KIF26B: variants seen among roughly 807,000 people sequenced by gnomAD.
KIF26B encodes the protein kinesin family member 26B, also known as kinesin-like protein KIF26B.
KIF26B carries 63 observed loss-of-function variants against 151.2 expected under a neutral mutation model. That is an observed-to-expected ratio of 0.42 (90% CI 0.34 to 0.51). The LOEUF (loss-of-function observed/expected upper bound fraction) is 0.51, where lower values mean the gene tolerates loss of function less well. Among genes scored for constraint, KIF26B ranks in the 20% least tolerant of loss-of-function variants. The probability of loss-of-function intolerance (pLI) is 0.07; values close to 1 mark genes in which losing one functional copy is unlikely to be tolerated. For missense variants in KIF26B, 2,813 were observed against 2,913.6 expected (o/e 0.97, Z 0.79); for synonymous variants, 1,357 against 1,262.1 (o/e 1.08, Z -1.59).
intron 2 of KIF26B, among the ~76,000 whole-genome samples, chr1:245,339,557 T>C (rs912420020): frequency 1.3e-5 from 2 of 152,194 alleles, no homozygotes; most frequent in African/African-American, 4.8e-5. Flanking sequence ...TATCATAAAA[T>C]AGGTACTAAA....
chr1:245,250,962 AG>A (rs34889338), intron 2 of KIF26B, among the ~76,000 whole-genome samples: 1 of 152,220 alleles, frequency 6.6e-6, no homozygotes, highest in African/African-American at 2.4e-5. Context: ...AAAATTAGCC[AG>A]GGGAAAAGGC....
At chr1:245,292,534 T>C (rs1337744821) in intron 2 of KIF26B, among the ~76,000 whole-genome samples, 1 of 152,160 alleles carries the variant, frequency 6.6e-6, no homozygotes, top group Non-Finnish European at 1.5e-5. Flanking sequence ...TACTTCCCCC[T>C]TGCCCATATT....
At chr1:245,437,365 C>T (rs556622687) in intron 4 of KIF26B, among the ~76,000 whole-genome samples, 1 of 152,284 alleles carries the variant, frequency 6.6e-6, no homozygotes, top group East Asian at 1.9e-4. Flanking sequence ...ATCAGAGAAT[C>T]CCATATCATT....
intron 4 of KIF26B, among the ~76,000 whole-genome samples, chr1:245,431,131 G>C (rs1411640550): frequency 6.6e-6 from 1 of 152,206 alleles, no homozygotes; most frequent in Admixed American, 6.5e-5. Context: ...CCAAAGTAGA[G>C]AATGGGTACA....
chr1:245,229,109 G>A (rs999427532), intron 2 of KIF26B, among the ~76,000 whole-genome samples: 3 of 152,114 alleles, frequency 2.0e-5, no homozygotes, highest in African/African-American at 7.2e-5. Flanking sequence ...TCAGACTACA[G>A]GCACGTGCCA....
intron 2 of KIF26B, among the ~76,000 whole-genome samples, chr1:245,327,860 A>C (rs1443719337): frequency 6.6e-6 from 1 of 152,184 alleles, no homozygotes; most frequent in Non-Finnish European, 1.5e-5. Flanking sequence ...TGAAGGTAAT[A>C]TTTTCAGTGG....
intron 5 of KIF26B, among the ~76,000 whole-genome samples, chr1:245,584,523 G>T (rs2043205292): frequency 6.6e-6 from 1 of 152,202 alleles, no homozygotes; most frequent in African/African-American, 2.4e-5. Context: ...CAGTTTCAGT[G>T]CCAGAACAGT....
rs537769669 is a variant in KIF26B, at chr1:245,333,998, C to CA, written c.466-32823dup. On this transcript the variant is annotated intron_variant, in intron 2 of 14. Transcript: ENST00000407071. ...TGGGCGACGGAGTGAGACTCCGTGT[C>CA]AAAAAAAAAAAAATCTCCTCTACGA... Among the ~76,000 whole-genome samples the CA allele has an allele frequency of 9.1e-3, 1,252 of 138,174 alleles. 8 individuals carry two copies. The highest frequency in any genetic ancestry group is 0.027 in the Middle Eastern group (7 of 264). 90.6% of individuals were successfully genotyped at this position (138,174 alleles called of 152,430 possible). A position where few individuals can be genotyped will look rare whatever the true frequency, so the allele number is the denominator to read the frequency against.
intron 12 of KIF26B, among the ~76,000 whole-genome samples, chr1:245,690,418 T>G (rs577605559): frequency 6.6e-6 from 1 of 152,306 alleles, no homozygotes; most frequent in African/African-American, 2.4e-5. Context: ...TCCCCTTTCC[T>G]ACTGCTCCAG....
At chr1:245,546,370 G>C (rs189487725) in intron 5 of KIF26B, among the ~76,000 whole-genome samples, 3 of 152,162 alleles carry the variant, frequency 2.0e-5, no homozygotes, top group Non-Finnish European at 4.4e-5. Context: ...AAAGGTACTC[G>C]GTAGCTGTTA....
At chr1:245,536,670 G>A (rs1661492670) in intron 4 of KIF26B, among the ~76,000 whole-genome samples, 1 of 152,142 alleles carries the variant, frequency 6.6e-6, no homozygotes, top group Non-Finnish European at 1.5e-5. Flanking sequence ...AAGACTTAGT[G>A]GGTGTGATTT....
In KIF26B at chr1:245,241,461, G is replaced by A. The variant is rs1212902171; in HGVS notation, c.465+84778G>A. Among the ~76,000 whole-genome samples, 1 of 152,198 alleles carries A rather than the reference G, an allele frequency of 6.6e-6. No individual in the cohort carries two copies. The highest frequency in any genetic ancestry group is 2.4e-5 in the African/African-American group (1 of 41,444). Reference sequence around the variant, plus strand: ...GCTGGGCACCAGCTGGCACTGCTGTGTTCAGAGCATGGGAGGAAGCAGCAG... The same window carrying A: ...GCTGGGCACCAGCTGGCACTGCTGTATTCAGAGCATGGGAGGAAGCAGCAG... On this transcript the variant is annotated intron_variant, in intron 2 of 14. Transcript: ENST00000407071. This position sits in a 1 kb window ranked among gnomAD's most constrained non-coding sequence, Gnocchi z 5.0.
chr1:245,644,618 G>C (rs575589498), intron 9 of KIF26B, among the ~76,000 whole-genome samples: 49 of 152,202 alleles, frequency 3.2e-4, no homozygotes, highest in Non-Finnish European at 5.4e-4. Context: ...GATCAGGTCA[G>C]TGTTCAGTCT....
intron 4 of KIF26B, among the ~76,000 whole-genome samples, chr1:245,497,612 G>A (rs192761531): frequency 3.3e-5 from 5 of 152,240 alleles, no homozygotes; most frequent in East Asian, 1.9e-4. Flanking sequence ...AATTTTACAC[G>A]TCAAGCGCTA....
intron 4 of KIF26B, among the ~76,000 whole-genome samples, chr1:245,508,451 AG>A (rs1486272580): frequency 6.6e-6 from 1 of 152,122 alleles, no homozygotes; most frequent in African/African-American, 2.4e-5. Context: ...CGTGTTAGCC[AG>A]GATGGTCTCG....
intron 2 of KIF26B, among the ~76,000 whole-genome samples, chr1:245,254,540 G>A (rs1169018690): frequency 2.0e-5 from 3 of 152,180 alleles, no homozygotes; most frequent in African/African-American, 4.8e-5. Context: ...ATGAGCTCAG[G>A]TTTTGGGTCT....
chr1:245,166,443 G>A lies in KIF26B; in HGVS notation c.465+9760G>A, dbSNP rs191452693. Reference sequence around the variant, plus strand: ...GAGTTGTCACCACAGAAAGTTTAAGGGAGCTCAGTGGATGTAAATAGCGAC... The same window carrying A: ...GAGTTGTCACCACAGAAAGTTTAAGAGAGCTCAGTGGATGTAAATAGCGAC... On this transcript the variant is annotated intron_variant, in intron 2 of 14. Coordinates refer to ENST00000407071, the MANE Select transcript of KIF26B (RefSeq NM_018012.4). This position sits in a 1 kb window ranked among gnomAD's most constrained non-coding sequence, Gnocchi z 4.5. 4.1e-4 allele frequency among the ~76,000 whole-genome samples: 63 copies of A among 152,256 alleles called. 1 individual carries two copies. The highest frequency in any genetic ancestry group is 4.1e-3 in the Admixed American group (62 of 15,300).
intron 2 of KIF26B, among the ~76,000 whole-genome samples, chr1:245,362,536 CA>C (rs36022021): frequency 0.035 from 4,871 of 139,916 alleles, 220 homozygotes; most frequent in African/African-American, 0.11. Flanking sequence ...GACTCCATCT[CA>C]AAAAAAAAAA....
intron 5 of KIF26B, among the ~76,000 whole-genome samples, chr1:245,573,877 A>G (rs923682497): frequency 1.3e-5 from 2 of 152,080 alleles, no homozygotes; most frequent in African/African-American, 4.8e-5. Flanking sequence ...TGCTGGGCAA[A>G]AGGAAGACTC....
Sources: gnomAD v4.1 joint callset for allele counts (sites outside exome capture counted in the v4.1 genomes callset) on GRCh38, gnomAD v4.1.1 for gene constraint, Gnocchi (gnomAD v3.1) non-coding constraint, MANE v1.5 for transcripts, NCBI Gene and HGNC (gene_info 2026-07-23, HGNC 2026-07-21) for gene names.